Variants in PTH1R observed in about 807,000 individuals in gnomAD.
The protein encoded by PTH1R is parathyroid hormone 1 receptor.
A neutral mutation model predicts 70.7 loss-of-function variants in PTH1R; 32 were observed. The observed-to-expected ratio is 0.45, with a 90% CI of 0.34 to 0.61. The LOEUF (loss-of-function observed/expected upper bound fraction) is 0.61, where lower values mean the gene tolerates loss of function less well. Among genes scored for constraint, PTH1R ranks in the 20% least tolerant of loss-of-function variants. PTH1R has a pLI of 0.01. For synonymous variants in PTH1R, 329 were observed against 324.8 expected (o/e 1.01, Z -0.14); for missense variants, 626 against 792.5 (o/e 0.79, Z 2.52).
At position 46,901,163 on chromosome 3, in the gene PTH1R, C is replaced by T; in HGVS notation, c.1049+78C>T. The T allele has an allele frequency of 6.7e-7, 1 of 1,492,814 alleles. No homozygotes were observed. The highest frequency in any genetic ancestry group is 9.1e-7 in the Non-Finnish European group (1 of 1,094,994). The allele number at this position is 1,492,814 out of a possible 1,614,324, so 92.5% of individuals were successfully genotyped here. ...TCTTCCAGGAAGCATGTGAGAGGGCCTCCTGTACCCTGGCCTCAAACGGCC... is the reference window on the plus strand; with the variant it reads ...TCTTCCAGGAAGCATGTGAGAGGGCTTCCTGTACCCTGGCCTCAAACGGCC... On this transcript the variant is annotated intron_variant, in intron 11 of 15. Transcript: ENST00000449590. The surrounding 1 kb of genome is among the most constrained non-coding windows in gnomAD (Gnocchi z 7.3).
chr3:46,883,535 A>G lies in PTH1R; in HGVS notation c.-25A>G. 6.6e-7 allele frequency: 1 copy of G among 1,504,348 alleles called. No homozygotes were observed. The highest frequency in any genetic ancestry group is 8.8e-7 in the Non-Finnish European group (1 of 1,132,222). 93.2% of individuals were successfully genotyped at this position (1,504,348 alleles called of 1,614,324 possible). On this transcript the variant is annotated 5_prime_UTR_variant, in exon 3 of 16. Transcript: ENST00000449590. This position sits in a 1 kb window ranked among gnomAD's most constrained non-coding sequence, Gnocchi z 6.4. ...AGGGCCGGCGGCGGCGGCTGCCCCGAGGGACGCGGCCCTAGGCGGTGGCGA... is the reference window on the plus strand; with the variant it reads ...AGGGCCGGCGGCGGCGGCTGCCCCGGGGGACGCGGCCCTAGGCGGTGGCGA...
intron 5 of PTH1R, among the ~76,000 whole-genome samples, chr3:46,897,295 A>G (rs2031809611): frequency 6.6e-6 from 1 of 152,260 alleles, no homozygotes; most frequent in Non-Finnish European, 1.5e-5. Context: ...CATCTGGAAA[A>G]TGGGGCCAGT....
At chr3:46,885,769 C>A (rs2030979437) in intron 3 of PTH1R, among the ~76,000 whole-genome samples, 1 of 152,182 alleles carries the variant, frequency 6.6e-6, no homozygotes, top group Admixed American at 6.5e-5. Flanking sequence ...CTATGGGCCC[C>A]CTGGACTCAT....
chr3:46,894,086 A>G, intron 4 of PTH1R, 77 bp downstream of exon 4: 1 of 1,472,220 alleles, frequency 6.8e-7, no homozygotes, highest in Non-Finnish European at 9.4e-7. Flanking sequence ...CCCAGGATAC[A>G]GAGCCAGGTG....
chr3:46,893,096 G>A lies in PTH1R; in HGVS notation c.76-811G>A, dbSNP rs977313279. On this transcript the variant is annotated intron_variant, in intron 3 of 15. Coordinates refer to ENST00000449590, the MANE Select transcript of PTH1R (RefSeq NM_000316.3). This position sits in a 1 kb window ranked among gnomAD's most constrained non-coding sequence, Gnocchi z 5.2. The stretch of plus-strand genomic sequence containing the variant: ...TATTTCATTTCCTTTCTTATAATGA[G>A]GCCAGTGAGTCCCGGTGGGTGGCAG... 5.3e-5 allele frequency among the ~76,000 whole-genome samples: 8 copies of A among 152,164 alleles called. No individual in the cohort carries two copies. The highest frequency in any genetic ancestry group is 1.9e-4 in the African/African-American group (8 of 41,420).
Position 46,901,679 on chromosome 3 carries a change from C to A in PTH1R, c.1117-87C>A, listed in dbSNP as rs2032129998. On this transcript the variant is annotated intron_variant, in intron 12 of 15. Transcript: ENST00000449590. The surrounding 1 kb of genome is among the most constrained non-coding windows in gnomAD (Gnocchi z 7.3). ...AAGGAGCCACCCAGAGATGCAGTGA[C>A]AGAGCAGAGCCTATGGCCGTGGCTG... The A allele has an allele frequency of 8.9e-6, 13 of 1,457,366 alleles. No homozygotes were observed. Among genetic ancestry groups the A allele is most frequent in the Non-Finnish European group, 1.3e-5 (13 of 1,039,802 alleles). The allele number at this position is 1,457,366 out of a possible 1,614,324, so 90.3% of individuals were successfully genotyped here.
rs762869239 is a variant in PTH1R at position 46,896,751 on chromosome 3, G to A, written c.313+882G>A. Among the ~76,000 whole-genome samples, 2 of 152,172 alleles carry A rather than the reference G, an allele frequency of 1.3e-5. No homozygotes were observed. Among genetic ancestry groups the A allele is most frequent in the Non-Finnish European group, 2.9e-5 (2 of 68,010 alleles). On this transcript the variant is annotated intron_variant, in intron 5 of 15. Coordinates refer to ENST00000449590, the MANE Select transcript of PTH1R (RefSeq NM_000316.3). The surrounding 1 kb of genome is among the most constrained non-coding windows in gnomAD (Gnocchi z 4.1). ...GGCTGCAAGCTGGGAGTGGAATGTGGAAGATACAGAGGCTGGGGACCCTCC... is the reference window on the plus strand; with the variant it reads ...GGCTGCAAGCTGGGAGTGGAATGTGAAAGATACAGAGGCTGGGGACCCTCC...
At position 46,901,495 on chromosome 3, in the gene PTH1R, G is replaced by A. The variant is rs1489269976; in HGVS notation, c.1116+15G>A. The A allele has an allele frequency of 1.3e-6, 2 of 1,560,600 alleles. No homozygotes were observed. The highest frequency in any genetic ancestry group is 1.7e-6 in the Non-Finnish European group (2 of 1,151,830). ...CCTCCATTGTGGTGAGCAGGGGTGG[G>A]CTGCTGGCCACAGGGGTGGGTGGGA... On this transcript the variant is annotated intron_variant, in intron 12 of 15. Coordinates refer to ENST00000449590, the MANE Select transcript of PTH1R (RefSeq NM_000316.3). The surrounding 1 kb of genome is among the most constrained non-coding windows in gnomAD (Gnocchi z 7.3).
chr3:46,890,414 A>G (rs1174650102), intron 3 of PTH1R, among the ~76,000 whole-genome samples: 1 of 150,846 alleles, frequency 6.6e-6, no homozygotes, highest in African/African-American at 2.4e-5. Context: ...TGCTCACAGT[A>G]TCAACAATAG....
intron 10 of PTH1R, among the ~76,000 whole-genome samples, chr3:46,899,708 A>G (rs1160420615): frequency 2.0e-5 from 3 of 152,166 alleles, no homozygotes; most frequent in Non-Finnish European, 4.4e-5. Context: ...GAGGGAAAGG[A>G]GGAACCATCA....
In PTH1R at chr3:46,902,622, C is replaced by G; in HGVS notation, c.1308C>G (p.Leu436=). ...ATPYTEVSGT[L]WQVQMHYEML... ...CATACACCGAGGTCTCAGGGACGCTCTGGCAAGTCCAGATGCACTATGAGA... is the reference window on the plus strand; with the variant it reads ...CATACACCGAGGTCTCAGGGACGCTGTGGCAAGTCCAGATGCACTATGAGA... Residue 436 remains leucine (L), a synonymous_variant, in exon 14 of 16, where the codon CTC becomes CTG. Transcript: ENST00000449590. This position sits in a 1 kb window ranked among gnomAD's most constrained non-coding sequence, Gnocchi z 5.4. 6.2e-7 allele frequency: 1 copy of G among 1,614,090 alleles called. No homozygotes were observed. Among genetic ancestry groups the G allele is most frequent in the Non-Finnish European group, 8.5e-7 (1 of 1,180,030 alleles).
chr3:46,901,802 C>A lies in PTH1R; in HGVS notation c.1153C>A (p.Leu385Ile). Residue 385 changes from leucine to isoleucine, a missense_variant, in exon 13 of 16, where the codon CTC becomes ATC. Leu to Ile is a conservative substitution (Grantham distance 5). Around this residue, in one of 3 missense-constraint regions of PTH1R, gnomAD observed 495 missense variants for 638.7 expected, o/e 0.77. Coordinates refer to ENST00000449590, the MANE Select transcript of PTH1R (RefSeq NM_000316.3). This position sits in a 1 kb window ranked among gnomAD's most constrained non-coding sequence, Gnocchi z 7.3. ...FILFINIVRV[L>I]ATKLRETNAG... ...CCTCTTCATCAATATCGTCCGGGTG[C>A]TCGCCACCAAGCTGCGGGAGACCAA... 1 of 1,614,116 alleles carries A rather than the reference C, an allele frequency of 6.2e-7. No homozygotes were observed. The highest frequency in any genetic ancestry group is 8.5e-7 in the Non-Finnish European group (1 of 1,180,002).
chr3:46,901,491 G>A lies in PTH1R; in HGVS notation c.1116+11G>A, dbSNP rs1344432349. 6.4e-7 allele frequency: 1 copy of A among 1,562,056 alleles called. No homozygotes were observed. The highest frequency in any genetic ancestry group is 1.7e-4 in the Middle Eastern group (1 of 6,000). ...CTGGCCTCCATTGTGGTGAGCAGGG[G>A]TGGGCTGCTGGCCACAGGGGTGGGT... On this transcript the variant is annotated intron_variant, in intron 12 of 15. Coordinates refer to ENST00000449590, the MANE Select transcript of PTH1R (RefSeq NM_000316.3). The surrounding 1 kb of genome is among the most constrained non-coding windows in gnomAD (Gnocchi z 7.3).
chr3:46,895,631 A>G, intron 4 of PTH1R, 104 bp from the exon 5 acceptor site: 1 of 1,573,634 alleles, frequency 6.4e-7, no homozygotes, highest in African/African-American at 1.3e-5. Flanking sequence ...AGGGCAGGAG[A>G]CAACCCCCCC....
In PTH1R at chr3:46,896,824, T is replaced by C. The variant is rs1396884060; in HGVS notation, c.313+955T>C. Among the ~76,000 whole-genome samples, 4 of 152,132 alleles carry C rather than the reference T, an allele frequency of 2.6e-5. No individual in the cohort carries two copies. In the East Asian group the frequency reaches 7.7e-4, roughly 29 times the overall value. On this transcript the variant is annotated intron_variant, in intron 5 of 15. Coordinates refer to ENST00000449590, the MANE Select transcript of PTH1R (RefSeq NM_000316.3). The surrounding 1 kb of genome is among the most constrained non-coding windows in gnomAD (Gnocchi z 4.1). ...GTGAGGCTGGGGCTCCAAAGTGGGA[T>C]GTCACCCTACTTTGAATCCCACCAT... is the stretch of plus-strand genomic sequence containing the variant.
At chr3:46,887,465 A>C (rs1367804701) in intron 3 of PTH1R, among the ~76,000 whole-genome samples, 1 of 151,390 alleles carries the variant, frequency 6.6e-6, no homozygotes, top group African/African-American at 2.4e-5. Flanking sequence ...TGAAAAAAAA[A>C]AAAAAAAAAA....
Position 46,893,773 on chromosome 3 carries a change from C to G in PTH1R, c.76-134C>G. On this transcript the variant is annotated intron_variant, in intron 3 of 15. Coordinates refer to ENST00000449590, the MANE Select transcript of PTH1R (RefSeq NM_000316.3). This position sits in a 1 kb window ranked among gnomAD's most constrained non-coding sequence, Gnocchi z 5.2. ...CTCCATAGAGCAGATTCCCCACATG[C>G]AGGGGAAATCCCACCTTCCCTCTAG... The G allele has an allele frequency of 1.3e-6, 1 of 797,974 alleles. No homozygotes were observed. The highest frequency in any genetic ancestry group is 2.1e-6 in the Non-Finnish European group (1 of 467,550). The allele number at this position is 797,974 out of a possible 1,614,324, so 49.4% of individuals were successfully genotyped here.
chr3:46,899,153 C>A, intron 9 of PTH1R, 150 bp from the exon 10 acceptor site: 1 of 1,034,752 alleles, frequency 9.7e-7, no homozygotes, highest in East Asian at 2.5e-5. Flanking sequence ...CACCGCATCC[C>A]CCTGAGAGAG....
At chr3:46,899,926 C>G (rs2107048544) in intron 10 of PTH1R, among the ~76,000 whole-genome samples, 1 of 152,242 alleles carries the variant, frequency 6.6e-6, no homozygotes, top group East Asian at 1.9e-4. Flanking sequence ...TGGCCCAGAG[C>G]CGTGGGCCCA....
Sources: gnomAD v4.1 joint callset for allele counts (sites outside exome capture counted in the v4.1 genomes callset) on GRCh38, gnomAD v4.1.1 for gene constraint, gnomAD v4.1.1 regional missense constraint, Gnocchi (gnomAD v3.1) non-coding constraint, MANE v1.5 for transcripts, NCBI Gene and HGNC (gene_info 2026-07-23, HGNC 2026-07-21) for gene names.